The following MICAL3 variants were observed in gnomAD, a reference collection of about 807,000 sequenced individuals.
MICAL3 encodes the protein microtubule associated monooxygenase, calponin and LIM domain containing 3.
Under a neutral mutation model 207.4 loss-of-function variants are expected in MICAL3, and 62 were observed. That is an observed-to-expected ratio of 0.30 (90% CI 0.24 to 0.37). The LOEUF is 0.37. Ranked by LOEUF, MICAL3 falls within the 10% of genes least tolerant of loss-of-function variation. MICAL3 has a pLI of 1.00. For synonymous variants in MICAL3, 1,077 were observed against 1,069.3 expected, an observed-to-expected ratio of 1.01 and a Z score of -0.14; for missense variants, 2,368 against 2,635.6, an observed-to-expected ratio of 0.90 and a Z score of 2.22.
At chr22:17,893,666 G>T in intron 11 of MICAL3, 142 bp downstream of exon 11, 1 of 639,788 alleles carries the variant, frequency 1.6e-6, no homozygotes, top group Non-Finnish European at 2.7e-6. Flanking sequence ...CCCCTGGAGG[G>T]CAAAATCACC....
intron 1 of MICAL3, among the ~76,000 whole-genome samples, chr22:17,940,615 C>T (rs1369016534): frequency 6.6e-6 from 1 of 151,998 alleles, no homozygotes; most frequent in Non-Finnish European, 1.5e-5. Flanking sequence ...AAAAAATAAG[C>T]TCATTACAAG....
Position 17,818,527 on chromosome 22 carries a change from G to T in MICAL3, c.4134C>A (p.His1378Gln). 1 of 1,613,446 alleles carries T rather than the reference G, an allele frequency of 6.2e-7. No homozygotes were observed. The highest frequency in any genetic ancestry group is 8.5e-7 in the Non-Finnish European group (1 of 1,179,888). Residue 1378 changes from histidine (H) to glutamine (Q), a missense_variant, in exon 26 of 32, where the codon CAC becomes CAA. Transcript: ENST00000441493. ...TGGGGATGGACAGAGGCTTGAGAAG[G>T]TGGAGTCCCTCATCCTGGGGGGACT... Reference protein sequence around the residue: ...VEKSPQDEGLHLLKPLSIPKR... With the variant: ...VEKSPQDEGLQLLKPLSIPKR...
In MICAL3 at chr22:17,827,634, G is replaced by A; in HGVS notation, c.3193+10C>T. 6.4e-7 allele frequency: 1 copy of A among 1,556,370 alleles called. No homozygotes were observed. Among genetic ancestry groups the A allele is most frequent in the Non-Finnish European group, 8.7e-7 (1 of 1,150,334 alleles). ...GGGGCACACTGCGGCCTGGGGCTGG[G>A]AGTGTTTACCTCCGGAAGCAGAGGA... On this transcript the variant is annotated intron_variant, in intron 22 of 31. Coordinates refer to ENST00000441493, the MANE Select transcript of MICAL3 (RefSeq NM_015241.3).
chr22:17,790,339 A>C lies in MICAL3; in HGVS notation c.*393T>G, dbSNP rs566438166. 2.1e-5 allele frequency: 4 copies of C among 192,746 alleles called. No homozygotes were observed. The East Asian group carries it at 3.9e-4, about 19-fold the overall frequency. 11.9% of individuals were successfully genotyped at this position (192,746 alleles called of 1,614,324 possible). On this transcript the variant is annotated 3_prime_UTR_variant, in exon 32 of 32. Transcript: ENST00000441493. ...GGTGGTGCTCCAGGGAGCATGAAGA[A>C]GACAGTGCCCCTCGCACGGCGCACT...
chr22:17,896,136 A>C (rs1019691704), intron 9 of MICAL3, 110 bp downstream of exon 9: 4 of 603,344 alleles, frequency 6.6e-6, no homozygotes, highest in Admixed American at 3.1e-5. Flanking sequence ...AACATCTTTA[A>C]TTAAGAAGGC....
At chr22:17,830,736 C>G (rs1227627688) in intron 21 of MICAL3, among the ~76,000 whole-genome samples, 2 of 152,220 alleles carry the variant, frequency 1.3e-5, no homozygotes, top group African/African-American at 4.8e-5. Context: ...TCCTGCCCAG[C>G]CTCTGCCTCA....
At chr22:17,956,319 G>C (rs1237729043) in intron 1 of MICAL3, among the ~76,000 whole-genome samples, 1 of 152,186 alleles carries the variant, frequency 6.6e-6, no homozygotes, top group Admixed American at 6.5e-5. Context: ...GAAACACAGA[G>C]GCAGCAACCT....
At chr22:17,877,184 AGTTATGGAGGTTAGGGAG>A (rs1928704914) in intron 16 of MICAL3, among the ~76,000 whole-genome samples, 7 of 6,006 alleles carry the variant, frequency 1.2e-3, no homozygotes, top group Admixed American at 1.4e-3. Flanking sequence ...AGGTTAGGGA[AGTTATGGAGGTTAGGGAG>A]GTTATGGAGG....
chr22:17,811,909 C>T (rs910807440), intron 27 of MICAL3, among the ~76,000 whole-genome samples: 2 of 152,076 alleles, frequency 1.3e-5, no homozygotes, highest in Non-Finnish European at 2.9e-5. Flanking sequence ...CTCGCCCGGA[C>T]AATTAAAACA....
chr22:17,998,707 C>A (rs112869003), intron 1 of MICAL3, among the ~76,000 whole-genome samples: 6 of 151,988 alleles, frequency 3.9e-5, no homozygotes, highest in Non-Finnish European at 7.4e-5. Context: ...ATTACAGGCG[C>A]GCACCACCAC....
chr22:17,867,238 A>G (rs928078374), intron 17 of MICAL3, among the ~76,000 whole-genome samples: 1 of 99,678 alleles, frequency 1.0e-5, no homozygotes, highest in African/African-American at 3.0e-5. Flanking sequence ...ACTTTCTCAG[A>G]CAGAATGTTT....
chr22:17,870,977 A>C (rs1022734582), intron 17 of MICAL3, among the ~76,000 whole-genome samples: 1 of 152,134 alleles, frequency 6.6e-6, no homozygotes, highest in African/African-American at 2.4e-5. Flanking sequence ...CTCACTTTAT[A>C]ATCTCACAGT....
chr22:17,813,813 G>T (rs371273129), intron 27 of MICAL3: 4 of 152,302 alleles, frequency 2.6e-5, no homozygotes, highest in African/African-American at 9.6e-5. Flanking sequence ...TGGATGCGGG[G>T]TGGCAGGGTA....
In MICAL3 at chr22:17,818,040, C is replaced by T. The variant is rs751821437; in HGVS notation, c.4621G>A (p.Glu1541Lys). ...DDKTEDSSLQEKFFTPPSCWP... is the reference protein window; with the variant it reads ...DDKTEDSSLQKKFFTPPSCWP... ...CAGGACGGGGGCGTGAAGAATTTCT[C>T]CTGCAGGCTTGAGTCCTCAGTCTTG... Residue 1541 changes from glutamate (E) to lysine (K), a missense_variant, in exon 26 of 32, where the codon GAG (glutamate) becomes AAG (lysine). By Grantham distance (56) the Glu-to-Lys change is moderately conservative (BLOSUM62 1). This residue lies in a region of MICAL3 where 1,770 missense variants were observed against 1,863.2 expected (regional missense o/e 0.95). Transcript: ENST00000441493. 1.2e-6 allele frequency: 2 copies of T among 1,612,846 alleles called. No individual in the cohort carries two copies. The highest frequency in any genetic ancestry group is 1.1e-5 in the South Asian group (1 of 91,074).
intron 1 of MICAL3, among the ~76,000 whole-genome samples, chr22:17,988,277 T>G (rs1434324246): frequency 6.6e-6 from 1 of 152,196 alleles, no homozygotes; most frequent in African/African-American, 2.4e-5. Context: ...CAGTGTCCTC[T>G]TCTCAAAATG....
chr22:17,823,210 C>T, intron 22 of MICAL3, 150 bp from the exon 23 acceptor site: 1 of 622,262 alleles, frequency 1.6e-6, no homozygotes, highest in Non-Finnish European at 2.8e-6. Context: ...GGGGGCTCTC[C>T]ACACGTAGCA....
rs1266067539 is a variant in MICAL3, at chr22:17,818,168, G to A, written c.4493C>T (p.Pro1498Leu). The change falls in exon 26 of 32, where the codon CCC (proline) becomes CTC (leucine). Residue 1498 changes from proline to leucine, a missense_variant. This residue lies in a region of MICAL3 where 1,770 missense variants were observed against 1,863.2 expected (regional missense o/e 0.95). Coordinates refer to ENST00000441493, the MANE Select transcript of MICAL3 (RefSeq NM_015241.3). ...TCTGGGGGGCTGAGCAGGCTCCCGGGGGGGCCGCATCCAGGTGGCGGGCAA... is the reference window on the plus strand; with the variant it reads ...TCTGGGGGGCTGAGCAGGCTCCCGGAGGGGCCGCATCCAGGTGGCGGGCAA... ...PPLPATWMRP[P>L]REPAQPPREE... 1.9e-6 allele frequency: 3 copies of A among 1,594,346 alleles called. No homozygotes were observed. Among genetic ancestry groups the A allele is most frequent in the Non-Finnish European group, 1.7e-6 (2 of 1,172,914 alleles).
intron 1 of MICAL3, among the ~76,000 whole-genome samples, chr22:17,945,975 G>A (rs146428086): frequency 6.6e-6 from 1 of 152,280 alleles, no homozygotes; most frequent in African/African-American, 2.4e-5. Context: ...AGAGGGATCC[G>A]AAAGCAATCA....
chr22:17,991,289 A>C (rs1199009384), intron 1 of MICAL3, among the ~76,000 whole-genome samples: 2 of 152,232 alleles, frequency 1.3e-5, no homozygotes, highest in Non-Finnish European at 2.9e-5. Flanking sequence ...CAGGCAGGTG[A>C]AAGTGACAGG....
Sources: allele counts gnomAD v4.1 joint callset (sites outside exome capture counted in the v4.1 genomes callset), GRCh38; gene constraint gnomAD v4.1.1; regional missense constraint gnomAD v4.1.1; transcripts MANE v1.5; gene names NCBI Gene and HGNC (gene_info 2026-07-23, HGNC 2026-07-21).